TRIM71: variants seen among roughly 807,000 people sequenced by gnomAD.
TRIM71 encodes E3 ubiquitin-protein ligase TRIM71.
TRIM71 carries 9 observed loss-of-function variants against 61.2 expected under a neutral mutation model. The ratio of observed to expected loss-of-function variants is 0.15; its 90% CI spans 0.09 to 0.26. The LOEUF (loss-of-function observed/expected upper bound fraction) is 0.26. Among genes scored for constraint, TRIM71 ranks in the 10% least tolerant of loss-of-function variants. TRIM71 has a pLI of 1.00. For missense variants in TRIM71, 998 were observed against 1,238.7 expected, an observed-to-expected ratio of 0.81 and a Z score of 2.92; for synonymous variants, 645 against 553.2, an observed-to-expected ratio of 1.17 and a Z score of -2.33.
chr3:32,874,848 T>C (rs1195533971), intron 2 of TRIM71, among the ~76,000 whole-genome samples: 1 of 150,744 alleles, frequency 6.6e-6, no homozygotes, highest in Non-Finnish European at 1.5e-5. Flanking sequence ...GAGACAAGAG[T>C]CTCACTCTGT....
chr3:32,819,826 C>G (rs1696107591), intron 1 of TRIM71, among the ~76,000 whole-genome samples: 1 of 152,216 alleles, frequency 6.6e-6, no homozygotes, highest in African/African-American at 2.4e-5. Flanking sequence ...ACCAGGGTCT[C>G]GACTTCCTTG....
intron 1 of TRIM71, among the ~76,000 whole-genome samples, chr3:32,823,015 T>C (rs7623505): frequency 0.22 from 33,398 of 151,998 alleles, 3,657 homozygotes; most frequent in Middle Eastern, 0.31. Flanking sequence ...TGTTACCTGC[T>C]TTCAACCTGC....
At chr3:32,857,123 T>C (rs961018661) in intron 1 of TRIM71, among the ~76,000 whole-genome samples, 2 of 152,206 alleles carry the variant, frequency 1.3e-5, no homozygotes, top group African/African-American at 4.8e-5. Flanking sequence ...GTCACCCAAC[T>C]GCCATGTACA....
Position 32,873,973 on chromosome 3 carries a change from A to T in TRIM71, c.1008A>T (p.Arg336=), listed in dbSNP as rs1484049799. 1 of 1,610,258 alleles carries T rather than the reference A, an allele frequency of 6.2e-7. No homozygotes were observed. Among genetic ancestry groups the T allele is most frequent in the Admixed American group, 1.7e-5 (1 of 59,732 alleles). ...TGCTGGCAGATGCCCAGCAGGGACG[A>T]CAGGCAATCCAGGTGAGCCTTCCCT... ...IQLLADAQQG[R]QAIQLSIEQA... The change falls in exon 2 of 4, where the codon CGA becomes CGT. Residue 336 remains arginine, a synonymous_variant. Transcript: ENST00000383763.
chr3:32,831,199 T>C (rs988843299), intron 1 of TRIM71, among the ~76,000 whole-genome samples: 1 of 152,028 alleles, frequency 6.6e-6, no homozygotes, highest in African/African-American at 2.4e-5. Flanking sequence ...GCTTGAAAAA[T>C]GCTCTCAGCT....
In TRIM71 at chr3:32,891,882, C is replaced by G; in HGVS notation, c.*71C>G. On this transcript the variant is annotated 3_prime_UTR_variant, in exon 4 of 4. Coordinates refer to ENST00000383763, the MANE Select transcript of TRIM71 (RefSeq NM_001039111.3). The surrounding 1 kb of genome is among the most constrained non-coding windows in gnomAD (Gnocchi z 8.2). ...TCTCTCTCTCTCTCTCTTTCTCTTT[C>G]TCTCTCTTTTTGAATTTCAAAGAAG... 1.3e-6 allele frequency: 2 copies of G among 1,526,750 alleles called. No homozygotes were observed. Among genetic ancestry groups the G allele is most frequent in the South Asian group, 1.3e-5 (1 of 78,398 alleles). 94.6% of individuals were successfully genotyped at this position (1,526,750 alleles called of 1,614,324 possible). A position where few individuals can be genotyped will look rare whatever the true frequency, so the allele number is the denominator to read the frequency against.
chr3:32,847,658 A>C (rs145034882), intron 1 of TRIM71, among the ~76,000 whole-genome samples: 1 of 152,156 alleles, frequency 6.6e-6, no homozygotes, highest in African/African-American at 2.4e-5. Flanking sequence ...CACATTGACT[A>C]TCTGTCTTGA....
chr3:32,819,082 A>AG, intron 1 of TRIM71, 150 bp downstream of exon 1: 1 of 878,540 alleles, frequency 1.1e-6, no homozygotes, highest in Non-Finnish European at 1.8e-6. Flanking sequence ...TTGCTACCAA[A>AG]GTAGATCATG....
intron 2 of TRIM71, among the ~76,000 whole-genome samples, chr3:32,877,522 A>G (rs1696863568): frequency 6.6e-6 from 1 of 151,616 alleles, no homozygotes; most frequent in East Asian, 1.9e-4. Flanking sequence ...CACCCAGCTA[A>G]TTTTTGTATT....
rs563108448 is a variant in TRIM71 at position 32,847,619 on chromosome 3, A to G, written c.853-26199A>G. Among the ~76,000 whole-genome samples the G allele has an allele frequency of 7.9e-5, 12 of 152,350 alleles. No homozygotes were observed. In the East Asian group the frequency reaches 2.1e-3, roughly 27 times the overall value. On this transcript the variant is annotated intron_variant, in intron 1 of 3. Transcript: ENST00000383763. ...AGGGAAGCATCCAGGCCAGTGCCTG[A>G]CTTACTGTATCCTTACATTTGGCAA...
At chr3:32,885,497 GCA>G (rs553290735) in intron 2 of TRIM71, among the ~76,000 whole-genome samples, 259 of 152,244 alleles carry the variant, frequency 1.7e-3, no homozygotes, top group African/African-American at 6.1e-3. Context: ...CTACCCTGTC[GCA>G]CACCCTCACG....
At chr3:32,826,382 G>A (rs371922365) in intron 1 of TRIM71, among the ~76,000 whole-genome samples, 19 of 152,184 alleles carry the variant, frequency 1.2e-4, no homozygotes, top group African/African-American at 4.3e-4. Flanking sequence ...AGGTTGCAGT[G>A]GGCCAGGATC....
At chr3:32,824,079 G>GA (rs79250386) in intron 1 of TRIM71, among the ~76,000 whole-genome samples, 108 of 148,404 alleles carry the variant, frequency 7.3e-4, no homozygotes, top group Admixed American at 1.7e-3. Flanking sequence ...CTCAAAAAAA[G>GA]AAAAAAAAAA....
chr3:32,818,166 C>G lies in TRIM71; in HGVS notation c.86C>G (p.Ser29Trp). 6.2e-7 allele frequency: 1 copy of G among 1,603,804 alleles called. No individual in the cohort carries two copies. Among genetic ancestry groups the G allele is most frequent in the Non-Finnish European group, 8.5e-7 (1 of 1,175,762 alleles). ...TCGCCGGCGCCGCTCTCCTCCAACT[C>G]GTCCGCGTCGTCGTCCTCCTCGCAG... ...CGSPAPLSSN[S>W]SASSSSSQTS... The change falls in exon 1 of 4, where the codon TCG becomes TGG. Residue 29 changes from serine to tryptophan, a missense_variant. By Grantham distance (177) the Ser-to-Trp change is radical. Coordinates refer to ENST00000383763, the MANE Select transcript of TRIM71 (RefSeq NM_001039111.3).
At chr3:32,853,104 TTCTCTC>T (rs763285866) in intron 1 of TRIM71, among the ~76,000 whole-genome samples, 3 of 129,876 alleles carry the variant, frequency 2.3e-5, no homozygotes, top group Non-Finnish European at 3.3e-5. Context: ...TGGAGATTAT[TTCTCTC>T]TCTCTCTCTC....
chr3:32,874,799 A>G (rs1347933650), intron 2 of TRIM71, among the ~76,000 whole-genome samples: 2 of 147,912 alleles, frequency 1.4e-5, no homozygotes, highest in Non-Finnish European at 1.5e-5. Context: ...ACTGGGAGCT[A>G]CTGAGCCCAG....
At chr3:32,859,673 G>A (rs1053333197) in intron 1 of TRIM71, among the ~76,000 whole-genome samples, 2 of 152,108 alleles carry the variant, frequency 1.3e-5, no homozygotes, top group Non-Finnish European at 2.9e-5. Flanking sequence ...TTCCCTGCCC[G>A]GAATGCCGCT....
rs772452554 is a variant in TRIM71, at chr3:32,818,215, C to T, written c.135C>T (p.Gly45=). 8 of 1,549,090 alleles carry T rather than the reference C, an allele frequency of 5.2e-6. No homozygotes were observed. In the African/African-American group the frequency reaches 7.1e-5, roughly 14 times the overall value. ...SSQTSTSSGG[G]GGGPGAAARR... ...AGACGTCCACGTCGTCGGGGGGCGG[C>T]GGCGGGGGCCCTGGGGCGGCGGCGC... Residue 45 remains glycine, a synonymous_variant, in exon 1 of 4, where the codon GGC becomes GGT. Transcript: ENST00000383763.
rs1395566945 is a variant in TRIM71, at chr3:32,829,590, C to T, written c.852+10658C>T. On this transcript the variant is annotated intron_variant, in intron 1 of 3. Transcript: ENST00000383763. ...GCTCAATGGAACAGTCTAATCTCAG[C>T]AACTAGAATATTTAGTAAGCATTAA... Among the ~76,000 whole-genome samples, 4 of 151,128 alleles carry T rather than the reference C, an allele frequency of 2.6e-5. No individual in the cohort carries two copies. The East Asian group carries it at 7.8e-4, about 29-fold the overall frequency.
Sources: gnomAD v4.1 joint callset for allele counts (sites outside exome capture counted in the v4.1 genomes callset) on GRCh38, gnomAD v4.1.1 for gene constraint, Gnocchi (gnomAD v3.1) non-coding constraint, MANE v1.5 for transcripts, NCBI Gene and HGNC (gene_info 2026-07-23, HGNC 2026-07-21) for gene names.